The following XPR1 variants were observed in gnomAD, a reference collection of about 807,000 sequenced individuals.
XPR1 encodes the protein solute carrier family 53 member 1.
Under a neutral mutation model 87.5 loss-of-function variants are expected in XPR1, and 28 were observed. The observed-to-expected ratio is 0.32, with a 90% CI of 0.24 to 0.44. The LOEUF (loss-of-function observed/expected upper bound fraction) is 0.44, where lower values mean the gene tolerates loss of function less well. XPR1 is among the 20% of genes least tolerant of loss of function. The probability of loss-of-function intolerance (pLI) is 1.00; values close to 1 mark genes in which losing one functional copy is unlikely to be tolerated. For missense variants in XPR1, 559 were observed against 862.3 expected (o/e 0.65, Z 4.41); for synonymous variants, 300 against 306.1 (o/e 0.98, Z 0.21).
At chr1:180,779,694 A>G (rs1648861691) in intron 2 of XPR1, among the ~76,000 whole-genome samples, 1 of 151,944 alleles carries the variant, frequency 6.6e-6, no homozygotes, top group Non-Finnish European at 1.5e-5. Flanking sequence ...GAAAGGAAAG[A>G]AAAGAGGGGG....
chr1:180,704,245 G>GAGATATAT (rs1553238721), intron 2 of XPR1, among the ~76,000 whole-genome samples: 1 of 66,054 alleles, frequency 1.5e-5, no homozygotes, highest in Non-Finnish European at 3.0e-5. Flanking sequence ...ATAGGTGCTG[G>GAGATATAT]ATATATATAT....
chr1:180,808,622 A>G (rs560526485), intron 6 of XPR1, among the ~76,000 whole-genome samples: 1 of 152,158 alleles, frequency 6.6e-6, no homozygotes, highest in Admixed American at 6.5e-5. Context: ...AATCAACCCA[A>G]CTTTTAAAAA....
In XPR1 at chr1:180,885,355, A is replaced by G. The variant is rs1450508240; in HGVS notation, c.*1289A>G. ...TGAACATTGGATTTCATGCCATCCC[A>G]TAGAAAACCTGTTTTAAAATTTTAG... is the stretch of plus-strand genomic sequence containing the variant. On this transcript the variant is annotated 3_prime_UTR_variant, in exon 15 of 15. Coordinates refer to ENST00000367590, the MANE Select transcript of XPR1 (RefSeq NM_004736.4). The G allele has an allele frequency of 6.6e-6, 1 of 152,646 alleles. No individual in the cohort carries two copies. Among genetic ancestry groups the G allele is most frequent in the Non-Finnish European group, 1.5e-5 (1 of 68,040 alleles). The allele number at this position is 152,646 out of a possible 1,614,324, so 9.5% of individuals were successfully genotyped here.
intron 2 of XPR1, among the ~76,000 whole-genome samples, chr1:180,695,243 G>A (rs1388210357): frequency 6.6e-6 from 1 of 152,088 alleles, no homozygotes; most frequent in African/African-American, 2.4e-5. Flanking sequence ...TAATGGGATT[G>A]CTTTTTCATT....
At chr1:180,778,508 T>G (rs1208583008) in intron 2 of XPR1, among the ~76,000 whole-genome samples, 3 of 152,196 alleles carry the variant, frequency 2.0e-5, no homozygotes, top group South Asian at 2.1e-4. Context: ...ACCGGATAAG[T>G]CTGTGTTTGG....
At chr1:180,879,967 T>G in intron 13 of XPR1, 109 bp from the exon 14 acceptor site, 1 of 1,159,650 alleles carries the variant, frequency 8.6e-7, no homozygotes, top group Non-Finnish European at 1.3e-6. Flanking sequence ...AAGCCCTTAA[T>G]TCTTTGTTTT....
At chr1:180,713,277 T>G (rs1326902955) in intron 2 of XPR1, among the ~76,000 whole-genome samples, 1 of 152,188 alleles carries the variant, frequency 6.6e-6, no homozygotes, top group African/African-American at 2.4e-5. Context: ...CCATTTCAAT[T>G]TCCAATTGTT....
At chr1:180,647,120 G>A (rs938563739) in intron 1 of XPR1, among the ~76,000 whole-genome samples, 13 of 152,130 alleles carry the variant, frequency 8.5e-5, no homozygotes, top group Non-Finnish European at 1.3e-4. Context: ...TAGATCCCTC[G>A]CATGCGCAGT....
intron 2 of XPR1, among the ~76,000 whole-genome samples, chr1:180,684,577 G>A (rs1264921972): frequency 1.3e-5 from 2 of 152,070 alleles, no homozygotes; most frequent in Non-Finnish European, 2.9e-5. Context: ...ATTACCTTGG[G>A]CAGTATGGCC....
intron 2 of XPR1, among the ~76,000 whole-genome samples, chr1:180,683,518 G>C (rs959248395): frequency 3.5e-4 from 53 of 152,116 alleles, no homozygotes; most frequent in African/African-American, 1.0e-3. Flanking sequence ...ATTTCTAGTT[G>C]TAGATCCCTG....
At chr1:180,876,311 T>C (rs1401548055) in intron 13 of XPR1, among the ~76,000 whole-genome samples, 1 of 152,082 alleles carries the variant, frequency 6.6e-6, no homozygotes, top group Non-Finnish European at 1.5e-5. Flanking sequence ...ACAAGTTAGG[T>C]TCGTTCTAGG....
intron 1 of XPR1, among the ~76,000 whole-genome samples, chr1:180,639,546 A>AT (rs1289521955): frequency 1.3e-5 from 2 of 152,146 alleles, no homozygotes; most frequent in Admixed American, 6.5e-5. Flanking sequence ...TGAACAAGTG[A>AT]TTTTTTTCAA....
chr1:180,791,916 G>C (rs1414553613), intron 3 of XPR1, among the ~76,000 whole-genome samples: 1 of 152,182 alleles, frequency 6.6e-6, no homozygotes, highest in Non-Finnish European at 1.5e-5. Flanking sequence ...TTTTGGTGCT[G>C]TAATTTGATG....
chr1:180,650,206 T>C (rs1655250411), intron 1 of XPR1, among the ~76,000 whole-genome samples: 1 of 152,182 alleles, frequency 6.6e-6, no homozygotes, highest in South Asian at 2.1e-4. Context: ...CTGTCATTTT[T>C]TACTGGAATA....
intron 11 of XPR1, among the ~76,000 whole-genome samples, chr1:180,844,327 T>C (rs1379392944): frequency 3.3e-5 from 5 of 152,220 alleles, no homozygotes; most frequent in Admixed American, 1.3e-4. Flanking sequence ...TTACATACTT[T>C]ATATTATACA....
intron 2 of XPR1, among the ~76,000 whole-genome samples, chr1:180,724,280 C>T (rs952940364): frequency 6.6e-6 from 1 of 152,110 alleles, no homozygotes. Context: ...GGCCAACTTA[C>T]CCATTAAGCA....
At chr1:180,840,270 C>T (rs1651459357) in intron 11 of XPR1, among the ~76,000 whole-genome samples, 1 of 151,050 alleles carries the variant, frequency 6.6e-6, no homozygotes, top group South Asian at 2.1e-4. Context: ...CCCTCCTCTT[C>T]CTAGTATGGG....
At chr1:180,862,021 CTT>C (rs1256506430) in intron 11 of XPR1, among the ~76,000 whole-genome samples, 2 of 151,808 alleles carry the variant, frequency 1.3e-5, no homozygotes, top group Non-Finnish European at 2.9e-5. Flanking sequence ...TATGTGTTAC[CTT>C]TGTTTTAATA....
intron 11 of XPR1, among the ~76,000 whole-genome samples, chr1:180,851,838 T>G (rs1651877283): frequency 6.6e-6 from 1 of 152,072 alleles, no homozygotes; most frequent in Non-Finnish European, 1.5e-5. Flanking sequence ...ACTGAAGAGG[T>G]AACTTTGTTA....
Sources: gnomAD v4.1 joint callset for allele counts (sites outside exome capture counted in the v4.1 genomes callset) on GRCh38, gnomAD v4.1.1 for gene constraint, MANE v1.5 for transcripts, NCBI Gene and HGNC (gene_info 2026-07-23, HGNC 2026-07-21) for gene names.